The following MIER1 variants were observed in gnomAD, a reference collection of about 807,000 sequenced individuals.
MIER1 encodes the protein mesoderm induction early response protein 1.
MIER1 carries 40 observed loss-of-function variants against 75.7 expected under a neutral mutation model. That is an observed-to-expected ratio of 0.53 (90% CI 0.41 to 0.69). The LOEUF (loss-of-function observed/expected upper bound fraction) is 0.69, where lower values mean the gene tolerates loss of function less well. Ranked by LOEUF, MIER1 falls within the 30% of genes least tolerant of loss-of-function variation. The pLI, the probability that MIER1 is intolerant of heterozygous loss-of-function variation, is 0.00. For missense variants in MIER1, 574 were observed against 680.2 expected (o/e 0.84, Z 1.74); for synonymous variants, 213 against 223.4 (o/e 0.95, Z 0.42).
At chr1:66,964,315 C>T (rs1419894363) in intron 8 of MIER1, among the ~76,000 whole-genome samples, 3 of 151,784 alleles carry the variant, frequency 2.0e-5, no homozygotes, top group Non-Finnish European at 2.9e-5. Context: ...CCTCGTGATC[C>T]GCCTGCCTCG....
rs779884270 is a variant in MIER1 at position 66,984,689 on chromosome 1, C to T, written c.1487C>T (p.Thr496Ile). 9.3e-6 allele frequency: 15 copies of T among 1,613,824 alleles called. No homozygotes were observed. The Admixed American group carries it at 2.5e-4, about 27-fold the overall frequency. ...AAACCACTTCATGCAGATATGGATA[C>T]TAATGGTTATGAAACAGATAACCTT... is the stretch of plus-strand genomic sequence containing the variant. ...NKKPLHADMD[T>I]NGYETDNLTT... The change falls in exon 14 of 14, where the codon ACT (threonine) becomes ATT (isoleucine). Residue 496 changes from threonine (T) to isoleucine (I), a missense_variant. By Grantham distance (89) the Thr-to-Ile change is moderately conservative. Around this residue, in one of 3 missense-constraint regions of MIER1, gnomAD observed 164 missense variants for 154.3 expected, o/e 1.06. Coordinates refer to ENST00000401041, the MANE Select transcript of MIER1 (RefSeq NM_001077700.3).
intron 2 of MIER1, among the ~76,000 whole-genome samples, chr1:66,938,574 T>C (rs1197574563): frequency 6.6e-6 from 1 of 152,208 alleles, no homozygotes; most frequent in Admixed American, 6.5e-5. Context: ...GAACCAGAAA[T>C]GTGTAGCTCT....
intron 3 of MIER1, among the ~76,000 whole-genome samples, chr1:66,940,549 G>A (rs1026746694): frequency 3.9e-5 from 6 of 152,054 alleles, no homozygotes; most frequent in African/African-American, 1.4e-4. Context: ...TCTTAGATTT[G>A]AATAGGATCA....
chr1:66,969,862 A>G (rs965989660), intron 8 of MIER1, among the ~76,000 whole-genome samples: 8 of 152,294 alleles, frequency 5.3e-5, no homozygotes, highest in East Asian at 1.9e-4. Flanking sequence ...GTCTTATCCA[A>G]TGTGGCTTCT....
intron 2 of MIER1, chr1:66,930,200 G>A: frequency 7.3e-7 from 1 of 1,369,436 alleles, no homozygotes; most frequent in South Asian, 1.7e-5. Context: ...GCCCAGCCGG[G>A]GCGCCGCGAG....
rs559500017 is a variant in MIER1 at position 66,926,277 on chromosome 1, A to G, written c.168+35A>G. The G allele has an allele frequency of 1.7e-5, 25 of 1,468,454 alleles. No homozygotes were observed. In the East Asian group the frequency reaches 5.4e-4, roughly 32 times the overall value. The allele number at this position is 1,468,454 out of a possible 1,614,324, so 91.0% of individuals were successfully genotyped here. ...GGTACACTTGGAGATTAAGGGAGGG[A>G]AAATCCAAACTCCCTCAAGTAATAT... On this transcript the variant is annotated intron_variant, in intron 2 of 13. Transcript: ENST00000401041.
At chr1:66,964,181 C>T (rs570786421) in intron 8 of MIER1, among the ~76,000 whole-genome samples, 54 of 150,364 alleles carry the variant, frequency 3.6e-4, no homozygotes, top group African/African-American at 1.3e-3. Context: ...AAGTGATTCT[C>T]CTGCCTCAGC....
At chr1:66,955,533 G>A (rs1161680693) in intron 4 of MIER1, among the ~76,000 whole-genome samples, 1 of 151,614 alleles carries the variant, frequency 6.6e-6, no homozygotes, top group African/African-American at 2.4e-5. Flanking sequence ...CCTTTTTTTG[G>A]AGTGAACGAA....
rs1391964528 is a variant in MIER1 at position 66,987,496 on chromosome 1, CAA to C, written c.*2597_*2598del. 3 of 152,618 alleles carry C rather than the reference CAA, an allele frequency of 2.0e-5. No homozygotes were observed. The highest frequency in any genetic ancestry group is 4.4e-5 in the Non-Finnish European group (3 of 67,972). The allele number at this position is 152,618 out of a possible 1,614,324, so 9.5% of individuals were successfully genotyped here. A position where few individuals can be genotyped will look rare whatever the true frequency, so the allele number is the denominator to read the frequency against. On this transcript the variant is annotated 3_prime_UTR_variant, in exon 14 of 14. Transcript: ENST00000401041. ...TCAGGATCTGCAATTCAGTTCAACA[CAA>C]GTTTGTTGAGCTTTAAAATGTATTT...
At chr1:66,927,141 A>G (rs1212948530) in intron 2 of MIER1, among the ~76,000 whole-genome samples, 1 of 152,168 alleles carries the variant, frequency 6.6e-6, no homozygotes, top group South Asian at 2.1e-4. Context: ...GAATTGTTCA[A>G]TAACTTTTGA....
chr1:66,969,601 T>C (rs977181069), intron 8 of MIER1, among the ~76,000 whole-genome samples: 7 of 150,322 alleles, frequency 4.7e-5, no homozygotes, highest in Non-Finnish European at 8.9e-5. Flanking sequence ...TAGGATATGC[T>C]TAATTAGCTG....
intron 3 of MIER1, among the ~76,000 whole-genome samples, chr1:66,944,088 T>C (rs998168498): frequency 6.6e-6 from 1 of 152,108 alleles, no homozygotes; most frequent in African/African-American, 2.4e-5. Context: ...TTGAACATAG[T>C]ATCTGGCATA....
intron 2 of MIER1, among the ~76,000 whole-genome samples, chr1:66,936,998 CAAAAAAAA>C (rs751644771): frequency 1.3e-4 from 9 of 68,342 alleles, no homozygotes; most frequent in Admixed American, 3.8e-4. Flanking sequence ...GACTCCATCT[CAAAAAAAA>C]AAAAAAAAAA....
intron 7 of MIER1, chr1:66,959,957 C>T (rs1324127950): frequency 1.1e-5 from 3 of 265,172 alleles, no homozygotes; most frequent in African/African-American, 2.2e-5. Flanking sequence ...TGGTGGCTCA[C>T]GCCTGTTATC....
At chr1:66,957,953 T>A (rs1383253240) in intron 4 of MIER1, 106 bp from the exon 5 acceptor site, 3 of 579,960 alleles carry the variant, frequency 5.2e-6, no homozygotes, top group Non-Finnish European at 8.3e-6. Context: ...GTAACACAGC[T>A]TTTATTCTTC....
intron 1 of MIER1, 61 bp downstream of exon 1, chr1:66,925,156 C>T (rs1321161373): frequency 1.2e-5 from 19 of 1,529,574 alleles, no homozygotes; most frequent in African/African-American, 1.4e-5. Flanking sequence ...TGAGGGGCTC[C>T]TGAGGTGTCC....
intron 4 of MIER1, among the ~76,000 whole-genome samples, chr1:66,955,336 GTTT>G (rs34006160): frequency 1.7e-5 from 1 of 59,964 alleles, no homozygotes; most frequent in Non-Finnish European, 2.8e-5. Flanking sequence ...CATCACCTGA[GTTT>G]TTTTTTTTTT....
chr1:66,944,804 T>G (rs1657104038), intron 3 of MIER1, among the ~76,000 whole-genome samples: 1 of 152,064 alleles, frequency 6.6e-6, no homozygotes. Context: ...TGACTCACTG[T>G]GGCCTTGACC....
intron 12 of MIER1, among the ~76,000 whole-genome samples, chr1:66,980,258 A>G (rs1050976698): frequency 6.6e-6 from 1 of 152,240 alleles, no homozygotes; most frequent in African/African-American, 2.4e-5. Context: ...AAAGCTGAAG[A>G]AGTCTTCAAG....
Sources: allele counts gnomAD v4.1 joint callset (sites outside exome capture counted in the v4.1 genomes callset), GRCh38; gene constraint gnomAD v4.1.1; regional missense constraint gnomAD v4.1.1; transcripts MANE v1.5; gene names NCBI Gene and HGNC (gene_info 2026-07-23, HGNC 2026-07-21).